PCDH9: variants seen among roughly 807,000 people sequenced by gnomAD.
PCDH9 encodes the protein protocadherin-9.
A neutral mutation model predicts 70.6 loss-of-function variants in PCDH9; 24 were observed. The observed-to-expected ratio is 0.34, with a 90% confidence interval of 0.25 to 0.48. The LOEUF (loss-of-function observed/expected upper bound fraction) is 0.48, where lower values mean the gene tolerates loss of function less well. Among genes scored for constraint, PCDH9 ranks in the 20% least tolerant of loss-of-function variants. PCDH9 has a pLI of 0.99. For synonymous variants in PCDH9, 562 were observed against 558.5 expected (o/e 1.01, Z -0.09); for missense variants, 1,281 against 1,503.6 (o/e 0.85, Z 2.45).
In PCDH9 at chr13:66,682,285, GTCACTTC is replaced by G. The variant is rs769948847; in HGVS notation, c.3139-50881_3139-50875del. On this transcript the variant is annotated intron_variant, in intron 3 of 4. Coordinates refer to ENST00000377865, the MANE Select transcript of PCDH9 (RefSeq NM_203487.3). ...CCATTATAACACATAAAATTTTTGT[GTCACTTC>G]AGGCAATATTACCTCCTTTATGAAT... is the stretch of plus-strand genomic sequence containing the variant. Among the ~76,000 whole-genome samples the G allele has an allele frequency of 1.9e-4, 29 of 152,012 alleles. 1 individual carries two copies. The highest frequency in any genetic ancestry group is 1.0e-3 in the Admixed American group (16 of 15,240).
intron 4 of PCDH9, among the ~76,000 whole-genome samples, chr13:66,470,288 C>T (rs1311836193): frequency 1.3e-5 from 2 of 151,900 alleles, no homozygotes; most frequent in Non-Finnish European, 2.9e-5. Context: ...CCTTAACAGC[C>T]CTTTTGTACT....
chr13:67,010,472 A>G (rs2084432671), intron 2 of PCDH9, among the ~76,000 whole-genome samples: 1 of 152,038 alleles, frequency 6.6e-6, no homozygotes, highest in South Asian at 2.1e-4. Context: ...ACAGCACAAC[A>G]GCACAAACAG....
At chr13:66,752,607 C>A (rs910182206) in intron 3 of PCDH9, among the ~76,000 whole-genome samples, 1 of 152,158 alleles carries the variant, frequency 6.6e-6, no homozygotes, top group Admixed American at 6.5e-5. Context: ...ACATCTACAG[C>A]ATTTTTAATG....
intron 2 of PCDH9, among the ~76,000 whole-genome samples, chr13:66,907,972 A>T (rs919267361): frequency 6.6e-6 from 1 of 152,182 alleles, no homozygotes; most frequent in South Asian, 2.1e-4. Context: ...CGTTATTCCT[A>T]CCCATTTTAA....
chr13:66,933,337 T>C (rs1220336489), intron 2 of PCDH9, among the ~76,000 whole-genome samples: 1 of 152,146 alleles, frequency 6.6e-6, no homozygotes, highest in Admixed American at 6.5e-5. Flanking sequence ...AGGAAATAAA[T>C]TTCTCAATTT....
chr13:67,068,726 C>A (rs919431916), intron 2 of PCDH9, among the ~76,000 whole-genome samples: 21 of 152,208 alleles, frequency 1.4e-4, no homozygotes, highest in African/African-American at 5.1e-4. Context: ...AAAAATAAAG[C>A]CAACATAACC....
intron 4 of PCDH9, among the ~76,000 whole-genome samples, chr13:66,341,793 C>T (rs537864070): frequency 1.3e-5 from 2 of 152,202 alleles, no homozygotes; most frequent in South Asian, 2.1e-4. Flanking sequence ...ATCTCCAGAA[C>T]GAGGCCATGG....
intron 2 of PCDH9, among the ~76,000 whole-genome samples, chr13:67,102,371 C>T (rs767327537): frequency 3.9e-5 from 6 of 152,114 alleles, no homozygotes; most frequent in Non-Finnish European, 5.9e-5. Context: ...CAAACTACAC[C>T]TACAATCCGA....
chr13:66,850,926 T>C (rs780330658), intron 3 of PCDH9, among the ~76,000 whole-genome samples: 28 of 152,228 alleles, frequency 1.8e-4, no homozygotes, highest in Non-Finnish European at 3.1e-4. Flanking sequence ...TGAAATAGTG[T>C]ACTTACAGAC....
At chr13:67,051,901 G>A (rs1200927541) in intron 2 of PCDH9, among the ~76,000 whole-genome samples, 5 of 151,994 alleles carry the variant, frequency 3.3e-5, no homozygotes, top group Admixed American at 6.6e-5. Context: ...AGAAATATTC[G>A]GATAATAGCC....
chr13:66,461,799 G>A (rs956972077), intron 4 of PCDH9, among the ~76,000 whole-genome samples: 1 of 151,772 alleles, frequency 6.6e-6, no homozygotes, highest in African/African-American at 2.4e-5. Flanking sequence ...GGTAAATCGT[G>A]AAGAAAAATA....
chr13:66,529,656 T>G (rs1273995356), intron 4 of PCDH9, among the ~76,000 whole-genome samples: 1 of 152,190 alleles, frequency 6.6e-6, no homozygotes, highest in East Asian at 1.9e-4. Context: ...TTTTGTGTTT[T>G]TTTCCCGTTT....
chr13:66,829,717 C>CAAAAAAAAAAAAAAAAAAAAAA lies in PCDH9; in HGVS notation c.3138+73765_3138+73786dup, dbSNP rs562176354. Among the ~76,000 whole-genome samples, 9 of 53,128 alleles carry CAAAAAAAAAAAAAAAAAAAAAA rather than the reference C, an allele frequency of 1.7e-4. 2 individuals are homozygous for CAAAAAAAAAAAAAAAAAAAAAA. Among genetic ancestry groups the CAAAAAAAAAAAAAAAAAAAAAA allele is most frequent in the African/African-American group, 4.3e-4 (6 of 14,056 alleles). 34.9% of individuals were successfully genotyped at this position (53,128 alleles called of 152,430 possible). A position where few individuals can be genotyped will look rare whatever the true frequency, so the allele number is the denominator to read the frequency against. On this transcript the variant is annotated intron_variant, in intron 3 of 4. Coordinates refer to ENST00000377865, the MANE Select transcript of PCDH9 (RefSeq NM_203487.3). ...TGGGCGACAGAGCGAGACTCCGTCTCAAAAAAAAAAAAAAAAAAAAAAAAA... is the reference window on the plus strand; with the variant it reads ...TGGGCGACAGAGCGAGACTCCGTCTCAAAAAAAAAAAAAAAAAAAAAAAAAAAAAAAAAAAAAAAAAAAAAAA...
intron 2 of PCDH9, chr13:67,223,700 C>T (rs573549012): frequency 6.6e-6 from 1 of 152,190 alleles, no homozygotes; most frequent in East Asian, 1.9e-4. Flanking sequence ...CAAATACTAA[C>T]AAAGTTAACA....
In PCDH9 at chr13:66,345,161, G is replaced by C. The variant is rs929847607; in HGVS notation, c.3341-40133C>G. On this transcript the variant is annotated intron_variant, in intron 4 of 4. Coordinates refer to ENST00000377865, the MANE Select transcript of PCDH9 (RefSeq NM_203487.3). ...ATAATTTAAGGGTCGAGCTAGTAGGGCAGTGTTCCTTATTTTGTGTTGCTT... is the reference window on the plus strand; with the variant it reads ...ATAATTTAAGGGTCGAGCTAGTAGGCCAGTGTTCCTTATTTTGTGTTGCTT... Among the ~76,000 whole-genome samples, 4 of 152,230 alleles carry C rather than the reference G, an allele frequency of 2.6e-5. No homozygotes were observed. The East Asian group carries it at 5.8e-4, about 22-fold the overall frequency.
chr13:66,980,681 C>A (rs1182815640), intron 2 of PCDH9, among the ~76,000 whole-genome samples: 1 of 136,420 alleles, frequency 7.3e-6, no homozygotes. Context: ...CTATCAATTG[C>A]TAATTTTTAG....
intron 4 of PCDH9, among the ~76,000 whole-genome samples, chr13:66,446,347 T>G (rs1233247346): frequency 1.3e-5 from 2 of 152,052 alleles, no homozygotes; most frequent in Non-Finnish European, 2.9e-5. Context: ...GGAAGACAGC[T>G]GGATATTATG....
chr13:66,798,052 G>A (rs2080272373), intron 3 of PCDH9, among the ~76,000 whole-genome samples: 2 of 151,818 alleles, frequency 1.3e-5, no homozygotes, highest in Non-Finnish European at 2.9e-5. Context: ...AAAGATAAAA[G>A]AGGAGGAAGA....
At chr13:66,475,707 A>T (rs1958712552) in intron 4 of PCDH9, among the ~76,000 whole-genome samples, 1 of 152,224 alleles carries the variant, frequency 6.6e-6, no homozygotes, top group Non-Finnish European at 1.5e-5. Context: ...GTCTCCTGTC[A>T]GAAGAGAATC....
Sources: gnomAD v4.1 joint callset for allele counts (sites outside exome capture counted in the v4.1 genomes callset) on GRCh38, gnomAD v4.1.1 for gene constraint, MANE v1.5 for transcripts, NCBI Gene and HGNC (gene_info 2026-07-23, HGNC 2026-07-21) for gene names.